The following RAB22A variants were observed in gnomAD, a reference collection of about 807,000 sequenced individuals.
RAB22A encodes the protein RAB22A, member RAS oncogene family.
In RAB22A, 13 loss-of-function variants were observed where a neutral mutation model predicts 30.2. The observed-to-expected ratio is 0.43, with a 90% CI of 0.28 to 0.68. The LOEUF (loss-of-function observed/expected upper bound fraction) is 0.68. Ranked by LOEUF, RAB22A falls within the 30% of genes least tolerant of loss-of-function variation. The pLI, the probability that RAB22A is intolerant of heterozygous loss-of-function variation, is 0.18. For missense variants in RAB22A, 177 were observed against 246.8 expected, an observed-to-expected ratio of 0.72 and a Z score of 1.89; for synonymous variants, 89 against 87.2, an observed-to-expected ratio of 1.02 and a Z score of -0.11.
intron 6 of RAB22A, among the ~76,000 whole-genome samples, chr20:58,358,667 A>G (rs473415): frequency 0.55 from 82,924 of 151,988 alleles, 23,880 homozygotes; most frequent in African/African-American, 0.73. Context: ...GGCTAAGGCA[A>G]GCAGATTGCT....
intron 2 of RAB22A, among the ~76,000 whole-genome samples, chr20:58,323,732 G>A (rs1986503722): frequency 6.6e-6 from 1 of 150,946 alleles, no homozygotes; most frequent in Admixed American, 6.6e-5. Context: ...AACCTCCAGA[G>A]TAGCTGGGAG....
intron 6 of RAB22A, among the ~76,000 whole-genome samples, chr20:58,359,353 T>G (rs1987185116): frequency 6.6e-6 from 1 of 152,174 alleles, no homozygotes; most frequent in African/African-American, 2.4e-5. Flanking sequence ...GATGTGGCAA[T>G]GTTGAACTCT....
Position 58,367,196 on chromosome 20 carries a change from G to A in RAB22A, c.*7493G>A, listed in dbSNP as rs1184587714. 1 of 152,292 alleles carries A rather than the reference G, an allele frequency of 6.6e-6. No homozygotes were observed. The highest frequency in any genetic ancestry group is 1.5e-5 in the Non-Finnish European group (1 of 68,042). The allele number at this position is 152,292 out of a possible 1,614,324, so 9.4% of individuals were successfully genotyped here. A position where few individuals can be genotyped will look rare whatever the true frequency, so the allele number is the denominator to read the frequency against. On this transcript the variant is annotated 3_prime_UTR_variant, in exon 7 of 7. Transcript: ENST00000244040. ...TGCCAAGCTTCTGTGGATGTTTGAA[G>A]ACTTTATTTTTGCAGTCTTAACCTT...
rs550483926 is a variant in RAB22A at position 58,341,536 on chromosome 20, A to G, written c.117-2182A>G. Among the ~76,000 whole-genome samples, 4 of 152,230 alleles carry G rather than the reference A, an allele frequency of 2.6e-5. No individual in the cohort carries two copies. In the South Asian group the frequency reaches 8.3e-4, roughly 32 times the overall value. On this transcript the variant is annotated intron_variant, in intron 2 of 6. Transcript: ENST00000244040. ...CAACAGCAGAGACTTAGACCCAAGAAGGGAGCTTGAGGTACAAGAAAACTT... is the reference window on the plus strand; with the variant it reads ...CAACAGCAGAGACTTAGACCCAAGAGGGGAGCTTGAGGTACAAGAAAACTT...
At chr20:58,326,097 A>G (rs1362315574) in intron 2 of RAB22A, among the ~76,000 whole-genome samples, 1 of 152,128 alleles carries the variant, frequency 6.6e-6, no homozygotes. Context: ...AGTTCTAGGA[A>G]TGTGTTTTGC....
intron 2 of RAB22A, among the ~76,000 whole-genome samples, chr20:58,343,132 G>A (rs1986884734): frequency 6.6e-6 from 1 of 152,164 alleles, no homozygotes; most frequent in African/African-American, 2.4e-5. Context: ...AACCCGTTTT[G>A]TCGATGAAAT....
rs575373707 is a variant in RAB22A, at chr20:58,367,062, A to G, written c.*7359A>G. The G allele has an allele frequency of 6.5e-6, 1 of 152,792 alleles. No homozygotes were observed. The highest frequency in any genetic ancestry group is 2.1e-4 in the South Asian group (1 of 4,834). The allele number at this position is 152,792 out of a possible 1,614,324, so 9.5% of individuals were successfully genotyped here. A position where few individuals can be genotyped will look rare whatever the true frequency, so the allele number is the denominator to read the frequency against. On this transcript the variant is annotated 3_prime_UTR_variant, in exon 7 of 7. Transcript: ENST00000244040. ...ACGAAAGTAAAATTCAGTTGCTTACAGTTTTGGCCGCTTTGTAGCACTATT... is the reference window on the plus strand; with the variant it reads ...ACGAAAGTAAAATTCAGTTGCTTACGGTTTTGGCCGCTTTGTAGCACTATT...
chr20:58,328,410 C>G (rs1986605372), intron 2 of RAB22A, among the ~76,000 whole-genome samples: 1 of 152,136 alleles, frequency 6.6e-6, no homozygotes, highest in Non-Finnish European at 1.5e-5. Context: ...TCTCAAACTC[C>G]TGGACTCAAG....
At chr20:58,338,187 C>T (rs933205357) in intron 2 of RAB22A, among the ~76,000 whole-genome samples, 5 of 152,030 alleles carry the variant, frequency 3.3e-5, no homozygotes, top group Admixed American at 1.3e-4. Context: ...CCATCACACC[C>T]GGCTAATTTT....
intron 2 of RAB22A, among the ~76,000 whole-genome samples, chr20:58,317,141 G>A (rs1986356870): frequency 1.3e-5 from 2 of 151,702 alleles, no homozygotes; most frequent in African/African-American, 2.4e-5. Context: ...TTGTCGCCCA[G>A]GCTGGAGTGC....
intron 2 of RAB22A, among the ~76,000 whole-genome samples, chr20:58,339,451 C>T (rs529961173): frequency 6.6e-6 from 1 of 152,200 alleles, no homozygotes; most frequent in African/African-American, 2.4e-5. Context: ...TTAACTTGAT[C>T]GTTAAAGGAG....
At position 58,343,713 on chromosome 20, in the gene RAB22A, T is replaced by C. The variant is rs777004727; in HGVS notation, c.117-5T>C. 6 of 1,601,024 alleles carry C rather than the reference T, an allele frequency of 3.7e-6. No individual in the cohort carries two copies. The highest frequency in any genetic ancestry group is 5.1e-6 in the Non-Finnish European group (6 of 1,168,234). ...TATTCTGATCATTTAGGTCTCTCTT[T>C]ATAGGGCATCTTTTATGACCAAGAC... On this transcript the variant is annotated splice_region_variant and splice_polypyrimidine_tract_variant and intron_variant, in intron 2 of 6. Coordinates refer to ENST00000244040, the MANE Select transcript of RAB22A (RefSeq NM_020673.3).
chr20:58,336,343 T>C (rs912315391), intron 2 of RAB22A, among the ~76,000 whole-genome samples: 4 of 151,512 alleles, frequency 2.6e-5, no homozygotes, highest in Non-Finnish European at 5.9e-5. Context: ...CAGCCCAAAA[T>C]GTCAGCCTTG....
chr20:58,355,847 T>A (rs1034510785), intron 6 of RAB22A, among the ~76,000 whole-genome samples: 3 of 152,130 alleles, frequency 2.0e-5, no homozygotes, highest in African/African-American at 7.2e-5. Context: ...AAATCATGTT[T>A]ATTGTTGTCC....
At chr20:58,326,146 G>GTT (rs139989125) in intron 2 of RAB22A, among the ~76,000 whole-genome samples, 30 of 150,336 alleles carry the variant, frequency 2.0e-4, no homozygotes, top group Non-Finnish European at 3.7e-4. Flanking sequence ...TTCCTGTTTT[G>GTT]TTTTTTTTTA....
In RAB22A at chr20:58,327,028, C is replaced by T. The variant is rs142467189; in HGVS notation, c.116+15906C>T. On this transcript the variant is annotated intron_variant, in intron 2 of 6. Coordinates refer to ENST00000244040, the MANE Select transcript of RAB22A (RefSeq NM_020673.3). The stretch of plus-strand genomic sequence containing the variant: ...TTTTATCAAGAATGGGTCTTGTGGC[C>T]GGGCACAGTCGCTTATACCTGTAAT... 1.1e-3 allele frequency among the ~76,000 whole-genome samples: 172 copies of T among 152,116 alleles called. 2 individuals are homozygous for T. The highest frequency in any genetic ancestry group is 5.4e-3 in the South Asian group (26 of 4,822).
chr20:58,353,172 A>G, intron 3 of RAB22A, 101 bp from the exon 4 acceptor site: 1 of 1,118,904 alleles, frequency 8.9e-7, no homozygotes, highest in Admixed American at 2.4e-5. Context: ...GGCTTAAGAG[A>G]AAGATTACTT....
At chr20:58,338,632 T>A (rs1986801250) in intron 2 of RAB22A, among the ~76,000 whole-genome samples, 1 of 152,200 alleles carries the variant, frequency 6.6e-6, no homozygotes, top group African/African-American at 2.4e-5. Flanking sequence ...ACTTCCGGCT[T>A]CTTGAAGCCA....
In RAB22A at chr20:58,353,498, G is replaced by T. The variant is rs372392268; in HGVS notation, c.337G>T (p.Val113Phe). Residue 113 changes from valine to phenylalanine, a missense_variant, in exon 5 of 7, where the codon GTT becomes TTT. Val to Phe is a conservative substitution (Grantham distance 50). Coordinates refer to ENST00000244040, the MANE Select transcript of RAB22A (RefSeq NM_020673.3). The stretch of plus-strand genomic sequence containing the variant: ...ACAGCATGGCCCACCTAATATTGTA[G>T]TTGCCATTGCAGGAAATAAATGTGA... ...LRQHGPPNIV[V>F]AIAGNKCDLI... The T allele has an allele frequency of 1.2e-6, 2 of 1,612,110 alleles. No individual in the cohort carries two copies. Among genetic ancestry groups the T allele is most frequent in the African/African-American group, 2.7e-5 (2 of 74,850 alleles).
Sources: allele counts gnomAD v4.1 joint callset (sites outside exome capture counted in the v4.1 genomes callset), GRCh38; gene constraint gnomAD v4.1.1; transcripts MANE v1.5; gene names NCBI Gene and HGNC (gene_info 2026-07-23, HGNC 2026-07-21).